MEGF6: variants seen among roughly 807,000 people sequenced by gnomAD.
MEGF6 encodes the protein multiple epidermal growth factor-like domains protein 6.
Under a neutral mutation model 207.1 loss-of-function variants are expected in MEGF6, and 184 were observed. That is an observed-to-expected ratio of 0.89 (90% confidence interval 0.79 to 1.00). The LOEUF (loss-of-function observed/expected upper bound fraction) is 1.00, where lower values mean the gene tolerates loss of function less well. MEGF6 is among the 50% of genes least tolerant of loss of function. The pLI is 0.00. For synonymous variants in MEGF6, 1,038 were observed against 910.0 expected, an observed-to-expected ratio of 1.14 and a Z score of -2.53; for missense variants, 2,282 against 2,202.9, an observed-to-expected ratio of 1.04 and a Z score of -0.72.
At chr1:3,519,407 T>C (rs1221709841) in intron 5 of MEGF6, among the ~76,000 whole-genome samples, 6 of 152,188 alleles carry the variant, frequency 3.9e-5, no homozygotes, top group Non-Finnish European at 8.8e-5. Flanking sequence ...ACAGGGGCAC[T>C]CCCAGGTGGG....
At chr1:3,595,509 C>T (rs1644049592) in intron 2 of MEGF6, 62 bp from the exon 3 acceptor site, 1 of 1,393,576 alleles carries the variant, frequency 7.2e-7, no homozygotes, top group Non-Finnish European at 1.0e-6. Flanking sequence ...TCGGCTCTCA[C>T]TGCACCCCTG....
At chr1:3,510,229 G>T (rs908221616) in intron 10 of MEGF6, among the ~76,000 whole-genome samples, 1 of 152,134 alleles carries the variant, frequency 6.6e-6, no homozygotes, top group Non-Finnish European at 1.5e-5. Flanking sequence ...GGCTGGGAGG[G>T]GCCGGCCAGG....
At chr1:3,577,305 C>T (rs970240680) in intron 4 of MEGF6, among the ~76,000 whole-genome samples, 2 of 152,240 alleles carry the variant, frequency 1.3e-5, no homozygotes, top group African/African-American at 4.8e-5. Flanking sequence ...TCCTGCCCTG[C>T]AGGGGACCCT....
At chr1:3,496,215 T>A (rs1204449343) in intron 29 of MEGF6, among the ~76,000 whole-genome samples, 197 bp from the exon 30 acceptor site, 1 of 152,104 alleles carries the variant, frequency 6.6e-6, no homozygotes, top group Non-Finnish European at 1.5e-5. Context: ...GCCAGGCCAC[T>A]GCCGCCTGCT....
At chr1:3,548,235 G>T (rs545650411) in intron 4 of MEGF6, among the ~76,000 whole-genome samples, 37 of 152,360 alleles carry the variant, frequency 2.4e-4, no homozygotes, top group Admixed American at 2.2e-3. Flanking sequence ...ACGGAACACA[G>T]CGCGGGCCTT....
intron 35 of MEGF6, among the ~76,000 whole-genome samples, chr1:3,492,276 G>T (rs895121569): frequency 6.6e-6 from 1 of 152,122 alleles, no homozygotes; most frequent in African/African-American, 2.4e-5. Flanking sequence ...GATGGCCAGC[G>T]TCCATCCACA....
Position 3,562,299 on chromosome 1 carries a change from G to A in MEGF6, c.481+17526C>T, listed in dbSNP as rs182826365. On this transcript the variant is annotated intron_variant, in intron 4 of 36. Transcript: ENST00000356575. ...CTGTCTCTCTTCATCCCGGTCCCTC[G>A]CTGTGTCTCTGTCTCTTGCTGTCTC... Among the ~76,000 whole-genome samples the A allele has an allele frequency of 8.6e-5, 13 of 151,746 alleles. No individual in the cohort carries two copies. The East Asian group carries it at 1.4e-3, about 16-fold the overall frequency.
intron 4 of MEGF6, among the ~76,000 whole-genome samples, chr1:3,568,154 G>T (rs1367986592): frequency 6.6e-6 from 1 of 152,228 alleles, no homozygotes; most frequent in Non-Finnish European, 1.5e-5. Context: ...TCGTCAACAT[G>T]TCTACTGCAG....
chr1:3,496,219 G>T (rs558633762), intron 29 of MEGF6, among the ~76,000 whole-genome samples: 3 of 152,162 alleles, frequency 2.0e-5, no homozygotes, highest in African/African-American at 7.2e-5. Context: ...GGCCACTGCC[G>T]CCTGCTCTGC....
intron 5 of MEGF6, among the ~76,000 whole-genome samples, chr1:3,516,071 C>T (rs1401309765): frequency 6.6e-6 from 1 of 152,248 alleles, no homozygotes. Flanking sequence ...GGGACCAGCA[C>T]AGCTCCTACC....
At chr1:3,582,654 G>A (rs1643827017) in intron 3 of MEGF6, among the ~76,000 whole-genome samples, 1 of 152,044 alleles carries the variant, frequency 6.6e-6, no homozygotes, top group Non-Finnish European at 1.5e-5. Context: ...AAACACCGCG[G>A]CCCCCAGATC....
At chr1:3,514,463 GC>G in intron 7 of MEGF6, 86 bp downstream of exon 7, 1 of 1,457,606 alleles carries the variant, frequency 6.9e-7, no homozygotes. Flanking sequence ...GGAGGCCACG[GC>G]CCCAGAGTTA....
chr1:3,620,170 T>G, the MEGF6 span, among the ~76,000 whole-genome samples: 65 of 152,200 alleles, frequency 4.3e-4, 1 homozygote, highest in Non-Finnish European at 6.2e-4. Flanking sequence ...GCTGGCTTTT[T>G]CTGAAAGTGT....
intron 4 of MEGF6, among the ~76,000 whole-genome samples, chr1:3,535,809 ACT>A (rs1018935474): frequency 2.2e-4 from 33 of 151,576 alleles, no homozygotes; most frequent in African/African-American, 8.0e-4. Flanking sequence ...ACCAGGTCTG[ACT>A]CTCCCCCAAA....
intron 4 of MEGF6, among the ~76,000 whole-genome samples, chr1:3,561,746 C>T (rs1643208651): frequency 6.6e-6 from 1 of 152,240 alleles, no homozygotes; most frequent in Non-Finnish European, 1.5e-5. Context: ...GGGCACACGG[C>T]AGGGAAGCCT....
At chr1:3,601,031 C>A (rs1420518111) in intron 2 of MEGF6, among the ~76,000 whole-genome samples, 2 of 152,124 alleles carry the variant, frequency 1.3e-5, no homozygotes, top group Non-Finnish European at 2.9e-5. Flanking sequence ...CTGCCAGTGC[C>A]CCCCCCTCCA....
At chr1:3,512,257 C>T (rs1413535585) in intron 7 of MEGF6, 129 bp from the exon 8 acceptor site, 1 of 1,251,808 alleles carries the variant, frequency 8.0e-7, no homozygotes, top group Admixed American at 2.6e-5. Flanking sequence ...CATTCAAGGC[C>T]AATCCCACTG....
chr1:3,583,538 C>A (rs35829654), intron 3 of MEGF6, among the ~76,000 whole-genome samples: 1 of 540 alleles, frequency 1.9e-3, no homozygotes, highest in African/African-American at 0.013. Context: ...ACCAGACAAC[C>A]CACAGCCACC....
chr1:3,519,464 C>T (rs928024008), intron 5 of MEGF6, among the ~76,000 whole-genome samples: 10 of 152,246 alleles, frequency 6.6e-5, no homozygotes, highest in East Asian at 3.9e-4. Flanking sequence ...GTGCTTGCAC[C>T]GCCACACGCG....
Sources: allele counts gnomAD v4.1 joint callset (sites outside exome capture counted in the v4.1 genomes callset), GRCh38; gene constraint gnomAD v4.1.1; transcripts MANE v1.5; gene names NCBI Gene and HGNC (gene_info 2026-07-23, HGNC 2026-07-21).